VAT1L: variants seen among roughly 807,000 people sequenced by gnomAD.
The protein encoded by VAT1L is putative NADPH-dependent quinone oxidoreductase VAT1L.
Under a neutral mutation model 44.1 loss-of-function variants are expected in VAT1L, and 34 were observed. That is an observed-to-expected ratio of 0.77 (90% CI 0.59 to 1.03). VAT1L has a LOEUF of 1.03. Among genes scored for constraint, VAT1L ranks in the 50% least tolerant of loss-of-function variants. VAT1L has a pLI of 0.00. For synonymous variants in VAT1L, 253 were observed against 202.2 expected (o/e 1.25, Z -2.13); for missense variants, 615 against 538.8 (o/e 1.14, Z -1.40).
At chr16:77,930,326 T>C (rs552953571) in intron 7 of VAT1L, among the ~76,000 whole-genome samples, 1 of 152,300 alleles carries the variant, frequency 6.6e-6, no homozygotes, top group Admixed American at 6.5e-5. Flanking sequence ...TGATGTTCTT[T>C]GGGGGGACAT....
intron 3 of VAT1L, among the ~76,000 whole-genome samples, chr16:77,833,575 AC>A (rs2016605045): frequency 6.6e-6 from 1 of 151,944 alleles, no homozygotes; most frequent in African/African-American, 2.4e-5. Context: ...ACACGGTGAA[AC>A]CCAGTCTCTA....
At chr16:77,832,606 C>T (rs980090076) in intron 3 of VAT1L, among the ~76,000 whole-genome samples, 1 of 152,196 alleles carries the variant, frequency 6.6e-6, no homozygotes, top group Non-Finnish European at 1.5e-5. Flanking sequence ...ACAGCCTGGG[C>T]TGGACCATAG....
At chr16:77,839,257 C>T (rs965937947) in intron 3 of VAT1L, among the ~76,000 whole-genome samples, 2 of 151,754 alleles carry the variant, frequency 1.3e-5, no homozygotes, top group Non-Finnish European at 2.9e-5. Context: ...ACAACACGGC[C>T]GGGCGCGATG....
At chr16:77,913,634 T>C (rs609713) in intron 7 of VAT1L, among the ~76,000 whole-genome samples, 23,144 of 152,056 alleles carry the variant, frequency 0.15, 1,917 homozygotes, top group East Asian at 0.2. Context: ...GTCCCAGGGC[T>C]CCGTCCTTGG....
At chr16:77,974,543 T>C (rs2018315194) in intron 8 of VAT1L, among the ~76,000 whole-genome samples, 1 of 152,116 alleles carries the variant, frequency 6.6e-6, no homozygotes, top group Admixed American at 6.5e-5. Flanking sequence ...CACAATGTCA[T>C]TGTCCTTGTT....
intron 7 of VAT1L, among the ~76,000 whole-genome samples, chr16:77,909,723 CCAAT>C (rs1407437132): frequency 2.0e-5 from 3 of 151,726 alleles, no homozygotes; most frequent in Admixed American, 1.3e-4. Flanking sequence ...CTACCCACAA[CCAAT>C]CAAACTTTGG....
In VAT1L at chr16:77,971,980, C is replaced by T. The variant is rs774751774; in HGVS notation, c.1161+47C>T. The T allele has an allele frequency of 1.5e-5, 23 of 1,565,920 alleles. No individual in the cohort carries two copies. The East Asian group carries it at 4.8e-4, about 32-fold the overall frequency. ...CTGTTCAGTTCCACGCGAGAGAGCACCACGGGTCAATCAGATGCAGACACG... is the reference window on the plus strand; with the variant it reads ...CTGTTCAGTTCCACGCGAGAGAGCATCACGGGTCAATCAGATGCAGACACG... On this transcript the variant is annotated intron_variant, in intron 8 of 8. Transcript: ENST00000302536.
At chr16:77,897,293 A>T (rs1352590248) in intron 7 of VAT1L, among the ~76,000 whole-genome samples, 1 of 152,162 alleles carries the variant, frequency 6.6e-6, no homozygotes, top group African/African-American at 2.4e-5. Context: ...AGAAATGGGG[A>T]TACTACCATG....
chr16:77,788,842 A>G lies in VAT1L; in HGVS notation c.160A>G (p.Asn54Asp). 6.3e-7 allele frequency: 1 copy of G among 1,579,782 alleles called. No homozygotes were observed. The highest frequency in any genetic ancestry group is 8.6e-7 in the Non-Finnish European group (1 of 1,164,254). Residue 54 changes from asparagine to aspartate, a missense_variant, in exon 1 of 9, where the codon AAC becomes GAC. Asn to Asp is a conservative substitution (Grantham distance 23). Coordinates refer to ENST00000302536, the MANE Select transcript of VAT1L (RefSeq NM_020927.3). ...GGTGCTGGCTGGCTTCGGGGGGCTC[A>G]ACAAGCTGCGGCTCTTCAGGAAGGC... Reference protein sequence around the residue: ...AVVLAGFGGLNKLRLFRKAMP... With the variant: ...AVVLAGFGGLDKLRLFRKAMP...
intron 3 of VAT1L, among the ~76,000 whole-genome samples, chr16:77,851,736 C>G (rs190207728): frequency 6.6e-6 from 1 of 152,242 alleles, no homozygotes; most frequent in Non-Finnish European, 1.5e-5. Context: ...ACTAAGTATG[C>G]TAACCTGTTT....
chr16:77,846,091 T>C (rs2016755908), intron 3 of VAT1L, among the ~76,000 whole-genome samples: 1 of 152,142 alleles, frequency 6.6e-6, no homozygotes, highest in African/African-American at 2.4e-5. Context: ...AAGTGTTGGA[T>C]CAAATTAAAT....
chr16:77,971,886 A>G lies in VAT1L; in HGVS notation c.1114A>G (p.Asn372Asp). 6.2e-7 allele frequency: 1 copy of G among 1,613,848 alleles called. No individual in the cohort carries two copies. Among genetic ancestry groups the G allele is most frequent in the Non-Finnish European group, 8.5e-7 (1 of 1,179,882 alleles). ...CATGCAGCGGATTCACGACCGAGGG[A>G]ACATTGGCAAGTTAATTCTGGATGT... The part of the protein sequence containing the change: ...EAMQRIHDRG[N>D]IGKLILDVEK... The change falls in exon 8 of 9, where the codon AAC (asparagine) becomes GAC (aspartate). Residue 372 changes from asparagine to aspartate, a missense_variant. Transcript: ENST00000302536.
At chr16:77,950,374 A>T (rs1010126240) in intron 7 of VAT1L, among the ~76,000 whole-genome samples, 1 of 145,448 alleles carries the variant, frequency 6.9e-6, no homozygotes, top group African/African-American at 2.6e-5. Context: ...ATGCCACTGC[A>T]CTCCAGCCTG....
At chr16:77,973,122 T>G (rs2018298246) in intron 8 of VAT1L, among the ~76,000 whole-genome samples, 1 of 152,184 alleles carries the variant, frequency 6.6e-6, no homozygotes, top group Admixed American at 6.5e-5. Flanking sequence ...GTGTGGTCAG[T>G]GCACAGACCA....
At chr16:77,922,540 G>T (rs867628629) in intron 7 of VAT1L, among the ~76,000 whole-genome samples, 1 of 152,166 alleles carries the variant, frequency 6.6e-6, no homozygotes, top group Non-Finnish European at 1.5e-5. Flanking sequence ...GCTTGTCACA[G>T]CTGGGCATGT....
intron 7 of VAT1L, among the ~76,000 whole-genome samples, chr16:77,962,186 G>A (rs2018166924): frequency 6.6e-6 from 1 of 152,126 alleles, no homozygotes; most frequent in Admixed American, 6.5e-5. Flanking sequence ...CCAGCCCGTG[G>A]TCAGTCCCCT....
At chr16:77,892,699 A>G in intron 7 of VAT1L, 1 of 732,708 alleles carries the variant, frequency 1.4e-6, no homozygotes, top group Non-Finnish European at 2.6e-6. Context: ...TAAAGCATAT[A>G]GGTCCTGGCA....
At chr16:77,826,588 G>A (rs1237912425) in intron 3 of VAT1L, among the ~76,000 whole-genome samples, 1 of 152,170 alleles carries the variant, frequency 6.6e-6, no homozygotes, top group African/African-American at 2.4e-5. Flanking sequence ...CTAGATTTCA[G>A]GGATGGCAGA....
intron 7 of VAT1L, among the ~76,000 whole-genome samples, chr16:77,933,023 G>GAGTC (rs1256085606): frequency 6.6e-6 from 1 of 152,192 alleles, no homozygotes; most frequent in Non-Finnish European, 1.5e-5. Context: ...TGACTCCAAG[G>GAGTC]AGGCTGGGAA....
Sources: allele counts gnomAD v4.1 joint callset (sites outside exome capture counted in the v4.1 genomes callset), GRCh38; gene constraint gnomAD v4.1.1; transcripts MANE v1.5; gene names NCBI Gene and HGNC (gene_info 2026-07-23, HGNC 2026-07-21).